MYO1G: variants seen among roughly 807,000 people sequenced by gnomAD.
MYO1G encodes myosin IG.
Under a neutral mutation model 115.3 loss-of-function variants are expected in MYO1G, and 65 were observed. The ratio of observed to expected loss-of-function variants is 0.56; its 90% CI spans 0.46 to 0.69. The LOEUF (loss-of-function observed/expected upper bound fraction) is 0.69. Ranked by LOEUF, MYO1G falls within the 30% of genes least tolerant of loss-of-function variation. The probability of loss-of-function intolerance (pLI) is 0.00; values close to 1 mark genes in which losing one functional copy is unlikely to be tolerated. For synonymous variants in MYO1G, 510 were observed against 552.6 expected (o/e 0.92, Z 1.08); for missense variants, 1,204 against 1,393.5 (o/e 0.86, Z 2.16).
chr7:44,963,808 A>C lies in MYO1G; in HGVS notation c.2745+241T>G. The C allele has an allele frequency of 5.9e-6, 3 of 512,730 alleles. No homozygotes were observed. The highest frequency in any genetic ancestry group is 7.1e-6 in the Non-Finnish European group (2 of 283,488). 31.8% of individuals were successfully genotyped at this position (512,730 alleles called of 1,614,324 possible). On this transcript the variant is annotated intron_variant, in intron 20 of 21. Transcript: ENST00000258787. The surrounding 1 kb of genome is among the most constrained non-coding windows in gnomAD (Gnocchi z 4.1). ...GAAGAGGGGACCATTTGGCTTGGCT[A>C]GAGTGTGAGAGTGGGGGTGGGGGGT...
chr7:44,977,184 C>A (rs958032288), intron 1 of MYO1G, 113 bp from the exon 2 acceptor site: 3 of 983,224 alleles, frequency 3.1e-6, no homozygotes, highest in Admixed American at 5.4e-5. Context: ...CCCACCCTGA[C>A]GGGCTGAGAG....
rs1415921088 is a variant in MYO1G, at chr7:44,967,922, ATC to A, written c.1609_1610del (p.Asp537PhefsTer69). On this transcript the variant is annotated frameshift_variant, in exon 13 of 22. Transcript: ENST00000258787. LOFTEE classifies it high-confidence loss of function. ...SVEGFIDKNR[D>X]FLFQDFKRLL... Reference sequence around the variant, plus strand: ...GCCGCTTGAAGTCCTGGAAGAGGAAATCTCTGTTCTTGTCGATGAAGCCTTCC... The same window carrying A: ...GCCGCTTGAAGTCCTGGAAGAGGAAATCTGTTCTTGTCGATGAAGCCTTCC... 15 of 1,613,886 alleles carry A rather than the reference ATC, an allele frequency of 9.3e-6. No individual in the cohort carries two copies. The highest frequency in any genetic ancestry group is 1.3e-5 in the Non-Finnish European group (15 of 1,180,022).
chr7:44,964,254 C>A lies in MYO1G; in HGVS notation c.2632-92G>T. ...CAGTCCCTACTGCCTCCCCTCCCCG[C>A]TGGCGACAGTTTTGGGAGTGTCAGG... is the stretch of plus-strand genomic sequence containing the variant. On this transcript the variant is annotated intron_variant, in intron 19 of 21. Transcript: ENST00000258787. The surrounding 1 kb of genome is among the most constrained non-coding windows in gnomAD (Gnocchi z 5.1). The A allele has an allele frequency of 1.5e-6, 2 of 1,338,668 alleles. No homozygotes were observed. Among genetic ancestry groups the A allele is most frequent in the Non-Finnish European group, 2.1e-6 (2 of 952,130 alleles). The allele number at this position is 1,338,668 out of a possible 1,614,324, so 82.9% of individuals were successfully genotyped here.
chr7:44,963,261 C>A lies in MYO1G; in HGVS notation c.2746-137G>T. Reference sequence around the variant, plus strand: ...CGCCGCCCTCGCCAGGGCCACCAGCCCCCCACCGCCCCCTCCTCCCTCTCG... The same window carrying A: ...CGCCGCCCTCGCCAGGGCCACCAGCACCCCACCGCCCCCTCCTCCCTCTCG... On this transcript the variant is annotated intron_variant, in intron 20 of 21. Coordinates refer to ENST00000258787, the MANE Select transcript of MYO1G (RefSeq NM_033054.3). This position sits in a 1 kb window ranked among gnomAD's most constrained non-coding sequence, Gnocchi z 4.1. 1.0e-6 allele frequency: 1 copy of A among 954,742 alleles called. No homozygotes were observed. The highest frequency in any genetic ancestry group is 1.9e-5 in the South Asian group (1 of 52,418). The allele number at this position is 954,742 out of a possible 1,614,324, so 59.1% of individuals were successfully genotyped here. A position where few individuals can be genotyped will look rare whatever the true frequency, so the allele number is the denominator to read the frequency against.
rs760917700 is a variant in MYO1G at position 44,965,710 on chromosome 7, G to T, written c.2308C>A (p.Arg770Ser). Residue 770 changes from arginine to serine, a missense_variant, in exon 17 of 22, where the codon CGT becomes AGT. Transcript: ENST00000258787. ...QAARQPPLYG[R>S]DLVWPLPPAV... The stretch of plus-strand genomic sequence containing the variant: ...GGGGGCAGCGGCCACACAAGGTCAC[G>T]CCCGTAGAGTGGCGGCTGCCTTGCA... The T allele has an allele frequency of 6.2e-7, 1 of 1,612,890 alleles. No homozygotes were observed.
chr7:44,971,808 A>G lies in MYO1G; in HGVS notation c.730-19T>C. 1 of 1,533,424 alleles carries G rather than the reference A, an allele frequency of 6.5e-7. No homozygotes were observed. Among genetic ancestry groups the G allele is most frequent in the Non-Finnish European group, 8.9e-7 (1 of 1,129,758 alleles). The allele number at this position is 1,533,424 out of a possible 1,614,324, so 95.0% of individuals were successfully genotyped here. ...CCAAGGCCTAGGGTAGAAGGGATTC[A>G]TCACTCCAAAGCCACACTGGGCCCA... On this transcript the variant is annotated intron_variant, in intron 6 of 21. Transcript: ENST00000258787.
rs1377968328 is a variant in MYO1G, at chr7:44,966,657, G to A, written c.1949+15C>T. On this transcript the variant is annotated intron_variant, in intron 15 of 21. Coordinates refer to ENST00000258787, the MANE Select transcript of MYO1G (RefSeq NM_033054.3). This position sits in a 1 kb window ranked among gnomAD's most constrained non-coding sequence, Gnocchi z 5.0. ...GACTATGGCCCATGGAGTGATGGGT[G>A]TCAGGTGCCAGTACCTGAGCAGGAA... 3.1e-6 allele frequency: 5 copies of A among 1,612,786 alleles called. No individual in the cohort carries two copies. In the Admixed American group the frequency reaches 6.7e-5, roughly 22 times the overall value.
rs576624995 is a variant in MYO1G, at chr7:44,971,191, G to C, written c.847-132C>G. The C allele has an allele frequency of 3.7e-5, 29 of 774,288 alleles. No individual in the cohort carries two copies. In the Admixed American group the frequency reaches 4.7e-4, roughly 12 times the overall value. The allele number at this position is 774,288 out of a possible 1,614,324, so 48.0% of individuals were successfully genotyped here. A position where few individuals can be genotyped will look rare whatever the true frequency, so the allele number is the denominator to read the frequency against. On this transcript the variant is annotated intron_variant, in intron 7 of 21. Transcript: ENST00000258787. Reference sequence around the variant, plus strand: ...GTACAGCTCCTTCTCAGACCAGCATGGTCAGCTGCTCACCATGGGCACAGA... The same window carrying C: ...GTACAGCTCCTTCTCAGACCAGCATCGTCAGCTGCTCACCATGGGCACAGA...
At chr7:44,977,143 T>A in intron 1 of MYO1G, 72 bp from the exon 2 acceptor site, 2 of 1,455,590 alleles carry the variant, frequency 1.4e-6, no homozygotes, top group Non-Finnish European at 1.9e-6. Context: ...CCAGAGCCCA[T>A]ATCAGGGCCT....
rs200861114 is a variant in MYO1G, at chr7:44,970,024, A to G, written c.1332+16T>C. ...ACACCCCACTGCCTGGCCTCCCTCC[A>G]GGCCACAGTGCTCACGCTCTGCCAG... On this transcript the variant is annotated intron_variant, in intron 10 of 21. Transcript: ENST00000258787. 172 of 1,611,762 alleles carry G rather than the reference A, an allele frequency of 1.1e-4. No individual in the cohort carries two copies. In the African/African-American group the frequency reaches 1.9e-3, roughly 18 times the overall value.
At chr7:44,971,558 A>C in intron 7 of MYO1G, 115 bp downstream of exon 7, 1 of 711,036 alleles carries the variant, frequency 1.4e-6, no homozygotes, top group Non-Finnish European at 2.4e-6. Flanking sequence ...AGAGGCAGTC[A>C]GCCTAGCACA....
intron 6 of MYO1G, 125 bp from the exon 7 acceptor site, chr7:44,971,914 G>A: frequency 1.3e-6 from 1 of 785,470 alleles, no homozygotes; most frequent in Non-Finnish European, 2.1e-6. Context: ...TCCTGAACCT[G>A]ATTACTCCAG....
chr7:44,971,605 C>T (rs946995672), intron 7 of MYO1G, 68 bp downstream of exon 7: 7 of 1,198,744 alleles, frequency 5.8e-6, no homozygotes, highest in African/African-American at 3.0e-5. Context: ...CTCCTCATCC[C>T]TGGGTGCTTC....
At position 44,971,569 on chromosome 7, in the gene MYO1G, T is replaced by C. The variant is rs1431141170; in HGVS notation, c.846+104A>G. On this transcript the variant is annotated intron_variant, in intron 7 of 21. Coordinates refer to ENST00000258787, the MANE Select transcript of MYO1G (RefSeq NM_033054.3). ...CAGGAGAGGCAGTCAGCCTAGCACA[T>C]TGCTGGGGCATCTCCAGCCAGTCTC... 5.0e-6 allele frequency: 4 copies of C among 797,476 alleles called. No individual in the cohort carries two copies. In the African/African-American group the frequency reaches 5.1e-5, roughly 10 times the overall value. The allele number at this position is 797,476 out of a possible 1,614,324, so 49.4% of individuals were successfully genotyped here.
In MYO1G at chr7:44,964,096, C is replaced by G. The variant is rs1401543677; in HGVS notation, c.2698G>C (p.Asp900His). ...LLTDQHLYKL[D>H]PDRQYRVMRA... ...ATCACCCGGTACTGCCGGTCAGGGT[C>G]CAGCTTGTAGAGGTGCTGGTCTGTG... Residue 900 changes from aspartate (D) to histidine (H), a missense_variant, in exon 20 of 22, where the codon GAC becomes CAC. Coordinates refer to ENST00000258787, the MANE Select transcript of MYO1G (RefSeq NM_033054.3). This position sits in a 1 kb window ranked among gnomAD's most constrained non-coding sequence, Gnocchi z 5.1. The G allele has an allele frequency of 1.2e-6, 2 of 1,606,902 alleles. No individual in the cohort carries two copies. The highest frequency in any genetic ancestry group is 2.7e-5 in the African/African-American group (2 of 74,846).
At chr7:44,970,506 T>C in intron 9 of MYO1G, 86 bp downstream of exon 9, 1 of 1,555,840 alleles carries the variant, frequency 6.4e-7, no homozygotes. Flanking sequence ...ACATTCCTGC[T>C]GCCCAGCCCC....
chr7:44,970,052 G>A lies in MYO1G; in HGVS notation c.1320C>T (p.Ile440=). The A allele has an allele frequency of 6.2e-7, 1 of 1,613,870 alleles. No homozygotes were observed. The highest frequency in any genetic ancestry group is 2.2e-5 in the East Asian group (1 of 44,876). Reference sequence around the variant, plus strand: ...CCACAGTGCTCACGCTCTGCCAGGTGATGCCCTCGCGCTCGTACTCTTCCT... The same window carrying A: ...CCACAGTGCTCACGCTCTGCCAGGTAATGCCCTCGCGCTCGTACTCTTCCT... The part of the protein sequence containing the change: ...QEQEEYEREG[I]TWQSVEYFNN... Residue 440 remains isoleucine, a synonymous_variant, in exon 10 of 22, where the codon ATC becomes ATT. Transcript: ENST00000258787.
chr7:44,967,993 C>T (rs762736790), intron 12 of MYO1G, 35 bp from the exon 13 acceptor site: 25 of 1,595,338 alleles, frequency 1.6e-5, no homozygotes, highest in Admixed American at 5.0e-5. Flanking sequence ...GGAGCAGGGG[C>T]GGGGGCTGCC....
In MYO1G at chr7:44,966,345, C is replaced by G. The variant is rs563195105; in HGVS notation, c.1950-65G>C. On this transcript the variant is annotated intron_variant, in intron 15 of 21. Coordinates refer to ENST00000258787, the MANE Select transcript of MYO1G (RefSeq NM_033054.3). This position sits in a 1 kb window ranked among gnomAD's most constrained non-coding sequence, Gnocchi z 5.0. The stretch of plus-strand genomic sequence containing the variant: ...GGAGAGATGATGGAGCCCACCCTGC[C>G]CACCCCACACCTGGGGAGATGGCAG... 1 of 1,381,220 alleles carries G rather than the reference C, an allele frequency of 7.2e-7. No homozygotes were observed. The highest frequency in any genetic ancestry group is 2.0e-5 in the Admixed American group (1 of 50,510). 85.6% of individuals were successfully genotyped at this position (1,381,220 alleles called of 1,614,324 possible).
Sources: gnomAD v4.1 joint callset for allele counts on GRCh38, gnomAD v4.1.1 for gene constraint, Gnocchi (gnomAD v3.1) non-coding constraint, MANE v1.5 for transcripts, NCBI Gene and HGNC (gene_info 2026-07-23, HGNC 2026-07-21) for gene names.